LMAN2L: variants seen among roughly 807,000 people sequenced by gnomAD.
LMAN2L encodes the protein lectin, mannose binding 2 like.
LMAN2L carries 30 observed loss-of-function variants against 44.3 expected under a neutral mutation model. The observed-to-expected ratio is 0.68, with a 90% confidence interval of 0.51 to 0.92. LMAN2L has a LOEUF of 0.92. LMAN2L is among the 40% of genes least tolerant of loss of function. LMAN2L has a pLI of 0.00. For synonymous variants in LMAN2L, 183 were observed against 171.1 expected (o/e 1.07, Z -0.54); for missense variants, 429 against 446.1 (o/e 0.96, Z 0.35).
intron 4 of LMAN2L, among the ~76,000 whole-genome samples, chr2:96,723,510 C>T (rs2078202788): frequency 1.3e-5 from 2 of 152,180 alleles, no homozygotes; most frequent in Admixed American, 1.3e-4. Flanking sequence ...TCCTATGAAA[C>T]ACGTAAGGTT....
chr2:96,728,873 AAAAAT>A lies in LMAN2L; in HGVS notation c.507+4641_507+4645del, dbSNP rs564020535. 1.9e-3 allele frequency among the ~76,000 whole-genome samples: 294 copies of A among 151,582 alleles called. 1 individual carries two copies. The highest frequency in any genetic ancestry group is 6.6e-3 in the African/African-American group (272 of 41,312). ...GGTAACAGAGCAAGACTCCATCTCG[AAAAAT>A]AAAATAAAATAAGGCCAGGCGCAGT... On this transcript the variant is annotated intron_variant, in intron 4 of 7. Coordinates refer to ENST00000264963, the MANE Select transcript of LMAN2L (RefSeq NM_030805.4).
At chr2:96,725,931 A>C (rs1318061122) in intron 4 of LMAN2L, among the ~76,000 whole-genome samples, 1 of 151,642 alleles carries the variant, frequency 6.6e-6, no homozygotes, top group Non-Finnish European at 1.5e-5. Context: ...CAGGAGTTCA[A>C]GAACAGCCTG....
At chr2:96,732,420 C>T (rs1245586588) in intron 4 of LMAN2L, among the ~76,000 whole-genome samples, 1 of 151,542 alleles carries the variant, frequency 6.6e-6, no homozygotes. Context: ...CCGAGACAGG[C>T]GGATCACGAG....
At chr2:96,739,724 C>G in intron 1 of LMAN2L, 130 bp downstream of exon 1, 2 of 904,012 alleles carry the variant, frequency 2.2e-6, no homozygotes, top group Non-Finnish European at 3.4e-6. Context: ...CGGAGGGAGT[C>G]TCCGTGGGCC....
intron 4 of LMAN2L, among the ~76,000 whole-genome samples, chr2:96,724,966 G>A (rs1381575210): frequency 2.6e-5 from 4 of 152,108 alleles, no homozygotes; most frequent in Non-Finnish European, 5.9e-5. Flanking sequence ...CAAGTAGCTA[G>A]GACTACAGGC....
At chr2:96,737,435 A>G (rs1391138210) in intron 2 of LMAN2L, among the ~76,000 whole-genome samples, 1 of 152,202 alleles carries the variant, frequency 6.6e-6, no homozygotes, top group Non-Finnish European at 1.5e-5. Flanking sequence ...GGATTGTTTG[A>G]GACCAAGAGT....
intron 4 of LMAN2L, among the ~76,000 whole-genome samples, chr2:96,728,864 TC>T (rs1354852316): frequency 6.6e-6 from 1 of 150,890 alleles, no homozygotes; most frequent in Non-Finnish European, 1.5e-5. Flanking sequence ...AGAGCAAGAC[TC>T]CATCTCGAAA....
intron 3 of LMAN2L, 62 bp from the exon 4 acceptor site, chr2:96,733,663 A>G (rs2078453455): frequency 1.5e-6 from 2 of 1,323,894 alleles, no homozygotes; most frequent in African/African-American, 1.4e-5. Flanking sequence ...AAGGAATAAT[A>G]TATCACTATG....
intron 4 of LMAN2L, among the ~76,000 whole-genome samples, chr2:96,716,352 T>C (rs1454466070): frequency 6.6e-6 from 1 of 152,226 alleles, no homozygotes; most frequent in Non-Finnish European, 1.5e-5. Flanking sequence ...ACTTCATTAT[T>C]ATGATTCTTG....
At chr2:96,724,721 A>G (rs761023542) in intron 4 of LMAN2L, among the ~76,000 whole-genome samples, 4 of 152,238 alleles carry the variant, frequency 2.6e-5, no homozygotes, top group South Asian at 2.1e-4. Context: ...ATCTCAGCTC[A>G]CTGTAGCCTC....
intron 7 of LMAN2L, 88 bp from the exon 8 acceptor site, chr2:96,707,486 T>G (rs1420057432): frequency 7.0e-7 from 1 of 1,431,180 alleles, no homozygotes; most frequent in Non-Finnish European, 9.4e-7. Context: ...GCCCCCAGTT[T>G]CTGACACCTA....
At chr2:96,712,149 C>T in intron 4 of LMAN2L, 124 bp from the exon 5 acceptor site, 1 of 917,844 alleles carries the variant, frequency 1.1e-6, no homozygotes, top group Non-Finnish European at 1.6e-6. Context: ...AGCCACTCGA[C>T]CTCATTGTCA....
At chr2:96,726,850 G>A (rs1279684738) in intron 4 of LMAN2L, among the ~76,000 whole-genome samples, 1 of 152,024 alleles carries the variant, frequency 6.6e-6, no homozygotes, top group Non-Finnish European at 1.5e-5. Context: ...TTGGGAGGTC[G>A]AGGCGGGCAG....
chr2:96,710,067 A>T (rs750071437), intron 6 of LMAN2L, among the ~76,000 whole-genome samples: 1 of 152,180 alleles, frequency 6.6e-6, no homozygotes, highest in Non-Finnish European at 1.5e-5. Context: ...AATTTTTCCC[A>T]CAGGTCTGGC....
rs1237014505 is a variant in LMAN2L, at chr2:96,707,846, GGAA to G, written c.785-16_785-14del. On this transcript the variant is annotated splice_polypyrimidine_tract_variant and intron_variant, in intron 6 of 7. Transcript: ENST00000264963. ...ACATCATGATTATCTGAAGAAAAAT[GGAA>G]GAAGGATGACTTGTGCCACTTGAAA... 6.2e-6 allele frequency: 10 copies of G among 1,612,818 alleles called. No individual in the cohort carries two copies. The highest frequency in any genetic ancestry group is 1.3e-5 in the African/African-American group (1 of 74,900).
At chr2:96,717,565 C>A (rs968754901) in intron 4 of LMAN2L, among the ~76,000 whole-genome samples, 18 of 150,144 alleles carry the variant, frequency 1.2e-4, no homozygotes, top group African/African-American at 3.9e-4. Flanking sequence ...GACGGCCAGG[C>A]GCAGTAGCTC....
chr2:96,707,880 G>T lies in LMAN2L; in HGVS notation c.785-47C>A, dbSNP rs774811208. The T allele has an allele frequency of 3.1e-5, 49 of 1,599,966 alleles. No individual in the cohort carries two copies. The South Asian group carries it at 5.4e-4, about 18-fold the overall frequency. On this transcript the variant is annotated intron_variant, in intron 6 of 7. Coordinates refer to ENST00000264963, the MANE Select transcript of LMAN2L (RefSeq NM_030805.4). The stretch of plus-strand genomic sequence containing the variant: ...ATGACTTGTGCCACTTGAAAAAGAG[G>T]TATGTTTCTTGAAGTCAGTATCTTA...
intron 4 of LMAN2L, among the ~76,000 whole-genome samples, chr2:96,717,494 T>C (rs1480279089): frequency 2.1e-5 from 3 of 139,996 alleles, no homozygotes; most frequent in African/African-American, 8.2e-5. Context: ...ATTGTGCCAC[T>C]GCACTCCACC....
Position 96,737,953 on chromosome 2 carries a change from C to T in LMAN2L, c.302G>A (p.Arg101Gln), listed in dbSNP as rs766556535. The T allele has an allele frequency of 1.2e-5, 20 of 1,606,460 alleles. No individual in the cohort carries two copies. Among genetic ancestry groups the T allele is most frequent in the African/African-American group, 2.7e-5 (2 of 74,750 alleles). Residue 101 changes from arginine to glutamine, a missense_variant, in exon 2 of 8, where the codon CGG becomes CAG. Arg to Gln is a conservative substitution (Grantham distance 43). Transcript: ENST00000264963. ...MQSKQGALWN[R>Q]VPCFLRDWEL... ...AGGAGGGAGAAAGATTCTTACCACC[C>T]GGTTCCACAAGGCACCCTGTTTACT...
Sources: gnomAD v4.1 joint callset for allele counts (sites outside exome capture counted in the v4.1 genomes callset) on GRCh38, gnomAD v4.1.1 for gene constraint, MANE v1.5 for transcripts, NCBI Gene and HGNC (gene_info 2026-07-23, HGNC 2026-07-21) for gene names.